The following RFC2 variants were observed in gnomAD, a reference collection of about 807,000 sequenced individuals.
RFC2 encodes replication factor C subunit 2.
Under a neutral mutation model 44.8 loss-of-function variants are expected in RFC2, and 34 were observed. That is an observed-to-expected ratio of 0.76 (90% CI 0.58 to 1.01). The LOEUF is 1.01. Ranked by LOEUF, RFC2 falls within the 50% of genes least tolerant of loss-of-function variation. The pLI, the probability that RFC2 is intolerant of heterozygous loss-of-function variation, is 0.00. For synonymous variants in RFC2, 177 were observed against 168.9 expected (o/e 1.05, Z -0.37); for missense variants, 400 against 453.6 (o/e 0.88, Z 1.07).
chr7:74,232,073 G>C lies in RFC2; in HGVS notation c.*33C>G. On this transcript the variant is annotated 3_prime_UTR_variant, in exon 11 of 11. Coordinates refer to ENST00000055077, the MANE Select transcript of RFC2 (RefSeq NM_181471.3). ...CCGCGGCTCCTGTACCTCAGAATAG[G>C]GCACCTGTAAGTCAGTCAGTGAAGT... 2 of 1,295,182 alleles carry C rather than the reference G, an allele frequency of 1.5e-6. No individual in the cohort carries two copies. The allele number at this position is 1,295,182 out of a possible 1,614,324, so 80.2% of individuals were successfully genotyped here. A position where few individuals can be genotyped will look rare whatever the true frequency, so the allele number is the denominator to read the frequency against.
chr7:74,245,451 A>G (rs112147449), intron 5 of RFC2, among the ~76,000 whole-genome samples: 10,760 of 151,118 alleles, frequency 0.071, 1,232 homozygotes, highest in African/African-American at 0.24. Context: ...AGTGGCTCAC[A>G]CCTATAATCC....
rs1802771577 is a variant in RFC2, at chr7:74,232,237, A to C, written c.955-21T>G. On this transcript the variant is annotated intron_variant, in intron 10 of 10. Coordinates refer to ENST00000055077, the MANE Select transcript of RFC2 (RefSeq NM_181471.3). Reference sequence around the variant, plus strand: ...ATTTCCTGAAAAACAAACCAAATTCAAATCTGGTTAATAAGTGGGGGAGTT... The same window carrying C: ...ATTTCCTGAAAAACAAACCAAATTCCAATCTGGTTAATAAGTGGGGGAGTT... 2 of 1,331,212 alleles carry C rather than the reference A, an allele frequency of 1.5e-6. No individual in the cohort carries two copies. The highest frequency in any genetic ancestry group is 1.1e-6 in the Non-Finnish European group (1 of 923,430). The allele number at this position is 1,331,212 out of a possible 1,614,324, so 82.5% of individuals were successfully genotyped here.
intron 7 of RFC2, among the ~76,000 whole-genome samples, 182 bp from the exon 8 acceptor site, chr7:74,239,170 C>CTTTT (rs34664628): frequency 7.4e-5 from 8 of 107,970 alleles, no homozygotes; most frequent in Non-Finnish European, 1.3e-4. Flanking sequence ...CCAAGGGTGA[C>CTTTT]TTTTTTTTTT....
At chr7:74,235,280 G>A (rs1404157246) in intron 10 of RFC2, among the ~76,000 whole-genome samples, 4 of 152,082 alleles carry the variant, frequency 2.6e-5, no homozygotes, top group African/African-American at 4.8e-5. Flanking sequence ...CAGGTGATCC[G>A]CCCACCTCGG....
intron 10 of RFC2, among the ~76,000 whole-genome samples, chr7:74,233,007 T>C (rs1802811400): frequency 6.7e-6 from 1 of 150,272 alleles, no homozygotes. Context: ...TTGCCCAGAG[T>C]TGGGCCTGGG....
At position 74,231,840 on chromosome 7, in the gene RFC2, C is replaced by G. The variant is rs1802742260; in HGVS notation, c.*266G>C. On this transcript the variant is annotated 3_prime_UTR_variant, in exon 11 of 11. Coordinates refer to ENST00000055077, the MANE Select transcript of RFC2 (RefSeq NM_181471.3). ...GATTACAGGTGCCCGCCACCACACCCAGCTAATTTTTATATTTTTAGTAAA... is the reference window on the plus strand; with the variant it reads ...GATTACAGGTGCCCGCCACCACACCGAGCTAATTTTTATATTTTTAGTAAA... 3.6e-6 allele frequency: 1 copy of G among 274,100 alleles called. No homozygotes were observed. Among genetic ancestry groups the G allele is most frequent in the Non-Finnish European group, 7.0e-6 (1 of 143,400 alleles). The allele number at this position is 274,100 out of a possible 1,614,324, so 17.0% of individuals were successfully genotyped here. A position where few individuals can be genotyped will look rare whatever the true frequency, so the allele number is the denominator to read the frequency against.
intron 2 of RFC2, among the ~76,000 whole-genome samples, chr7:74,252,098 CAAAAAAAAAA>C (rs140868309): frequency 4.6e-5 from 1 of 21,540 alleles, no homozygotes; most frequent in Non-Finnish European, 8.1e-5. Context: ...GGCTCCATCT[CAAAAAAAAAA>C]AAAAAAAAAA....
chr7:74,250,238 C>T (rs1584265681), intron 2 of RFC2, among the ~76,000 whole-genome samples: 1 of 151,886 alleles, frequency 6.6e-6, no homozygotes, highest in African/African-American at 2.4e-5. Flanking sequence ...GTGTAGTAAA[C>T]GTGGCTACAA....
intron 6 of RFC2, among the ~76,000 whole-genome samples, chr7:74,242,404 A>G (rs1803381952): frequency 6.6e-6 from 1 of 152,162 alleles, no homozygotes; most frequent in African/African-American, 2.4e-5. Context: ...CCTAAACATC[A>G]GGATAAGCTC....
intron 6 of RFC2, 92 bp downstream of exon 6, chr7:74,243,054 A>C: frequency 1.2e-6 from 1 of 825,804 alleles, no homozygotes; most frequent in Non-Finnish European, 2.0e-6. Flanking sequence ...ACTGCACTCC[A>C]GCCTGAGCGA....
At chr7:74,240,443 AGTGAGCCAAG>A (rs1803265820) in intron 6 of RFC2, among the ~76,000 whole-genome samples, 1 of 150,306 alleles carries the variant, frequency 6.7e-6, no homozygotes, top group South Asian at 2.1e-4. Context: ...TGGAGGCTGA[AGTGAGCCAAG>A]ATCACACTAC....
At chr7:74,249,674 A>G in intron 3 of RFC2, 65 bp downstream of exon 3, 1 of 1,333,090 alleles carries the variant, frequency 7.5e-7, no homozygotes, top group Non-Finnish European at 1.1e-6. Flanking sequence ...TGCACAAGAA[A>G]GCAGTTCAGC....
chr7:74,246,858 G>A (rs1359783200), intron 4 of RFC2, 95 bp from the exon 5 acceptor site: 6 of 655,442 alleles, frequency 9.2e-6, no homozygotes, highest in Non-Finnish European at 1.3e-5. Flanking sequence ...GGGACTGTGA[G>A]GCCCAATTTC....
chr7:74,239,449 A>T (rs782748987), intron 7 of RFC2, among the ~76,000 whole-genome samples: 2 of 151,920 alleles, frequency 1.3e-5, no homozygotes, highest in Non-Finnish European at 2.9e-5. Flanking sequence ...CTCTTGCCTC[A>T]GCCTCACGAG....
chr7:74,236,961 C>CATAA (rs111555840), intron 9 of RFC2, among the ~76,000 whole-genome samples: 4,970 of 151,414 alleles, frequency 0.033, 241 homozygotes, highest in African/African-American at 0.11. Flanking sequence ...CCTGTTTCTA[C>CATAA]ATAAATAAAT....
chr7:74,235,724 G>T, intron 9 of RFC2, 79 bp from the exon 10 acceptor site: 1 of 948,292 alleles, frequency 1.1e-6, no homozygotes, highest in Non-Finnish European at 1.7e-6. Context: ...CACCACAGCT[G>T]GTGGGGCCCA....
intron 6 of RFC2, among the ~76,000 whole-genome samples, chr7:74,241,487 G>A (rs1185113211): frequency 6.6e-6 from 1 of 152,262 alleles, no homozygotes; most frequent in African/African-American, 2.4e-5. Flanking sequence ...CTTTGTGGGT[G>A]CCATATTTGG....
At chr7:74,236,355 G>A (rs1332815048) in intron 9 of RFC2, among the ~76,000 whole-genome samples, 1 of 152,148 alleles carries the variant, frequency 6.6e-6, no homozygotes, top group Non-Finnish European at 1.5e-5. Flanking sequence ...CAGTCTCCCC[G>A]CCTTGCACTC....
Position 74,239,044 on chromosome 7 carries a change from TAGAGACAGGAGTCTCGC to T in RFC2, c.694-73_694-57del, listed in dbSNP as rs1563989081. The T allele has an allele frequency of 9.9e-4, 1,426 of 1,433,450 alleles. 3 individuals carry two copies. Among genetic ancestry groups the T allele is most frequent in the Non-Finnish European group, 1.3e-3 (1,326 of 1,024,080 alleles). The allele number at this position is 1,433,450 out of a possible 1,614,324, so 88.8% of individuals were successfully genotyped here. On this transcript the variant is annotated intron_variant, in intron 7 of 10. Coordinates refer to ENST00000055077, the MANE Select transcript of RFC2 (RefSeq NM_181471.3). ...ATTTTTATATTTATTTCTTTTTGAG[TAGAGACAGGAGTCTCGC>T]TATGTTGCCCAGGCTGGTCTCGAAC...
Sources: allele counts gnomAD v4.1 joint callset (sites outside exome capture counted in the v4.1 genomes callset), GRCh38; gene constraint gnomAD v4.1.1; transcripts MANE v1.5; gene names NCBI Gene and HGNC (gene_info 2026-07-23, HGNC 2026-07-21).